The following SPAG16 variants were observed in gnomAD, a reference collection of about 807,000 sequenced individuals.
The protein encoded by SPAG16 is sperm associated antigen 16, also known as sperm-associated antigen 16 protein.
SPAG16 carries 86 observed loss-of-function variants against 80.4 expected under a neutral mutation model. That is an observed-to-expected ratio of 1.07 (90% CI 0.90 to 1.28). SPAG16 has a LOEUF of 1.28. Ranked by LOEUF, SPAG16 falls within the 50% of genes most tolerant of loss-of-function variation. The pLI is 0.00. For missense variants in SPAG16, 870 were observed against 765.3 expected (o/e 1.14, Z -1.61); for synonymous variants, 294 against 265.9 (o/e 1.11, Z -1.03).
At chr2:214,397,649 C>G (rs377381114) in intron 15 of SPAG16, among the ~76,000 whole-genome samples, 132 of 152,118 alleles carry the variant, frequency 8.7e-4, no homozygotes, top group African/African-American at 3.0e-3. Context: ...AATACTTGAG[C>G]TGATTTATTG....
chr2:213,469,457 C>T (rs1022354867), intron 9 of SPAG16, among the ~76,000 whole-genome samples: 1 of 151,282 alleles, frequency 6.6e-6, no homozygotes, highest in Non-Finnish European at 1.5e-5. Flanking sequence ...ATACTTATGA[C>T]AATTACAGTC....
At chr2:213,905,843 C>G (rs2077408072) in intron 11 of SPAG16, among the ~76,000 whole-genome samples, 1 of 152,138 alleles carries the variant, frequency 6.6e-6, no homozygotes, top group African/African-American at 2.4e-5. Flanking sequence ...AATGTCTTCA[C>G]TGAAGTCATG....
chr2:213,433,915 C>CTTTTTTTTTTTTTTTTTTTTTTTT (rs33989475), intron 9 of SPAG16, among the ~76,000 whole-genome samples: 1 of 85,014 alleles, frequency 1.2e-5, no homozygotes, highest in Admixed American at 1.4e-4. Flanking sequence ...TTTTCTTTGT[C>CTTTTTTTTTTTTTTTTTTTTTTTT]TTTTTTTTTT....
chr2:213,990,357 A>G (rs557281355), intron 12 of SPAG16, among the ~76,000 whole-genome samples: 55 of 152,256 alleles, frequency 3.6e-4, no homozygotes, highest in African/African-American at 1.2e-3. Flanking sequence ...TTCTTAAACA[A>G]TGCAATGGTT....
chr2:213,876,830 C>T (rs993379445), intron 11 of SPAG16, among the ~76,000 whole-genome samples: 19 of 152,126 alleles, frequency 1.2e-4, no homozygotes, highest in Admixed American at 1.0e-3. Flanking sequence ...TTAGGGTCCT[C>T]GCTCAGATGC....
chr2:214,297,496 T>C (rs1247125589), intron 15 of SPAG16, among the ~76,000 whole-genome samples: 3 of 152,268 alleles, frequency 2.0e-5, no homozygotes, highest in East Asian at 3.9e-4. Flanking sequence ...AATTCTTGCA[T>C]GTGGTGAGAG....
rs557528175 is a variant in SPAG16 at position 213,320,564 on chromosome 2, C to T, written c.536+3208C>T. Among the ~76,000 whole-genome samples the T allele has an allele frequency of 5.3e-5, 8 of 152,070 alleles. No homozygotes were observed. In the South Asian group the frequency reaches 1.2e-3, roughly 24 times the overall value. ...CTCTTCATCTCCCCTTTCCACCCAA[C>T]GTTCCCCACATACTTCCCAGCCTCT... On this transcript the variant is annotated intron_variant, in intron 5 of 15. Coordinates refer to ENST00000331683, the MANE Select transcript of SPAG16 (RefSeq NM_024532.5).
intron 12 of SPAG16, among the ~76,000 whole-genome samples, chr2:213,981,033 T>C (rs188992833): frequency 3.3e-5 from 5 of 152,062 alleles, no homozygotes; most frequent in Non-Finnish European, 7.4e-5. Flanking sequence ...AGAAATTTGT[T>C]TCTCACAGTT....
At chr2:213,308,169 A>G (rs904010714) in intron 3 of SPAG16, among the ~76,000 whole-genome samples, 1 of 152,174 alleles carries the variant, frequency 6.6e-6, no homozygotes, top group African/African-American at 2.4e-5. Context: ...TTATTGAGCA[A>G]CACTTCATTC....
chr2:214,317,925 T>C (rs188179785), intron 15 of SPAG16, among the ~76,000 whole-genome samples: 7 of 152,372 alleles, frequency 4.6e-5, no homozygotes, highest in Admixed American at 1.3e-4. Flanking sequence ...ATCAACATTC[T>C]TGTGAATCAG....
chr2:214,218,143 G>T (rs2058478713), intron 15 of SPAG16, among the ~76,000 whole-genome samples: 1 of 152,096 alleles, frequency 6.6e-6, no homozygotes, highest in Admixed American at 6.6e-5. Flanking sequence ...GCTTTAATGT[G>T]TCGCATGAAA....
chr2:214,313,510 A>T (rs1340485314), intron 15 of SPAG16, among the ~76,000 whole-genome samples: 1 of 152,144 alleles, frequency 6.6e-6, no homozygotes, highest in Non-Finnish European at 1.5e-5. Flanking sequence ...TGCAAACATT[A>T]TACCTCCTTG....
intron 15 of SPAG16, among the ~76,000 whole-genome samples, chr2:214,305,217 G>T (rs942011642): frequency 1.4e-4 from 22 of 152,022 alleles, no homozygotes; most frequent in African/African-American, 5.1e-4. Flanking sequence ...ATTTTTTAAT[G>T]GAGTTCTTTG....
intron 11 of SPAG16, among the ~76,000 whole-genome samples, chr2:213,865,254 A>G (rs2105960862): frequency 6.6e-6 from 1 of 152,208 alleles, no homozygotes; most frequent in South Asian, 2.1e-4. Flanking sequence ...AATTCCTCAT[A>G]GTATAAATTA....
intron 15 of SPAG16, among the ~76,000 whole-genome samples, chr2:214,360,631 G>T (rs1000682374): frequency 6.6e-6 from 1 of 151,834 alleles, no homozygotes; most frequent in African/African-American, 2.4e-5. Flanking sequence ...CAAAATAGAT[G>T]AAATCACTTT....
chr2:213,564,884 C>T (rs151113676), intron 10 of SPAG16, among the ~76,000 whole-genome samples: 27 of 152,222 alleles, frequency 1.8e-4, no homozygotes, highest in Non-Finnish European at 3.2e-4. Flanking sequence ...ATGACAAGAG[C>T]CAAGATTAAA....
intron 11 of SPAG16, among the ~76,000 whole-genome samples, chr2:213,869,324 A>G: frequency 9.2e-6 from 1 of 108,112 alleles, no homozygotes; most frequent in Admixed American, 9.9e-5. Context: ...ATACACACAC[A>G]CATGCAAAAC....
At chr2:214,062,914 T>C (rs1559749919) in intron 13 of SPAG16, among the ~76,000 whole-genome samples, 1 of 152,158 alleles carries the variant, frequency 6.6e-6, no homozygotes, top group South Asian at 2.1e-4. Flanking sequence ...TGATGAAATG[T>C]AATGTGAGTC....
intron 10 of SPAG16, among the ~76,000 whole-genome samples, chr2:213,759,281 A>G (rs2068516159): frequency 1.3e-5 from 2 of 152,124 alleles, no homozygotes; most frequent in African/African-American, 4.8e-5. Context: ...TATTATTGTA[A>G]CAATACTTTT....
Sources: gnomAD v4.1 joint callset for allele counts (sites outside exome capture counted in the v4.1 genomes callset) on GRCh38, gnomAD v4.1.1 for gene constraint, MANE v1.5 for transcripts, NCBI Gene and HGNC (gene_info 2026-07-23, HGNC 2026-07-21) for gene names.